Variants in CYP20A1 observed in about 807,000 individuals in gnomAD.
The protein encoded by CYP20A1 is cytochrome P450 family 20 subfamily A member 1.
A neutral mutation model predicts 61.4 loss-of-function variants in CYP20A1; 61 were observed. The ratio of observed to expected loss-of-function variants is 0.99; its 90% CI spans 0.81 to 1.23. CYP20A1 has a LOEUF of 1.23. CYP20A1 is among the 50% of genes most tolerant of loss of function. CYP20A1 has a pLI of 0.00. For synonymous variants in CYP20A1, 193 were observed against 188.2 expected, an observed-to-expected ratio of 1.03 and a Z score of -0.21; for missense variants, 530 against 542.4, an observed-to-expected ratio of 0.98 and a Z score of 0.23.
At chr2:203,285,764 A>C in intron 9 of CYP20A1, 32 bp downstream of exon 9, 1 of 1,508,926 alleles carries the variant, frequency 6.6e-7, no homozygotes, top group Non-Finnish European at 8.8e-7. Flanking sequence ...GAGATTATTA[A>C]AAGGTAAATT....
At position 203,301,600 on chromosome 2, in the gene CYP20A1, C is replaced by A. The variant is rs2069024560; in HGVS notation, c.*4692C>A. Among the ~76,000 whole-genome samples, 1 of 152,056 alleles carries A rather than the reference C, an allele frequency of 6.6e-6. No individual in the cohort carries two copies. Among genetic ancestry groups the A allele is most frequent in the Non-Finnish European group, 1.5e-5 (1 of 68,022 alleles). On this transcript the variant is annotated 3_prime_UTR_variant, in exon 13 of 13. Transcript: ENST00000356079. ...AAACATTTTTTTATGAACTAAAGAGCTCTCTCAAACTTGTGCTAACAAAAT... is the reference window on the plus strand; with the variant it reads ...AAACATTTTTTTATGAACTAAAGAGATCTCTCAAACTTGTGCTAACAAAAT...
At chr2:203,261,016 T>G (rs1290946121) in intron 4 of CYP20A1, among the ~76,000 whole-genome samples, 1 of 152,086 alleles carries the variant, frequency 6.6e-6, no homozygotes, top group African/African-American at 2.4e-5. Context: ...GGTCTTTATC[T>G]GTATGGGTCC....
intron 3 of CYP20A1, among the ~76,000 whole-genome samples, chr2:203,249,564 G>T (rs557777546): frequency 6.6e-6 from 1 of 152,108 alleles, no homozygotes; most frequent in Non-Finnish European, 1.5e-5. Context: ...GAAAAAATAG[G>T]CCAGGCATGG....
At chr2:203,251,934 T>C (rs371056758) in intron 3 of CYP20A1, 33 bp from the exon 4 acceptor site, 23 of 1,497,882 alleles carry the variant, frequency 1.5e-5, no homozygotes, top group Non-Finnish European at 2.1e-5. Flanking sequence ...AGTGATTATT[T>C]TGATACAGAA....
At chr2:203,263,678 G>A (rs2067225879) in intron 4 of CYP20A1, among the ~76,000 whole-genome samples, 1 of 152,108 alleles carries the variant, frequency 6.6e-6, no homozygotes, top group Admixed American at 6.6e-5. Context: ...TAGCTTAAGG[G>A]TTATCTACAA....
intron 4 of CYP20A1, among the ~76,000 whole-genome samples, chr2:203,253,365 C>T (rs571639528): frequency 4.6e-5 from 7 of 152,294 alleles, no homozygotes; most frequent in African/African-American, 1.4e-4. Flanking sequence ...CAGGTCTCCC[C>T]TGGCCCAGGG....
intron 11 of CYP20A1, among the ~76,000 whole-genome samples, chr2:203,294,201 A>G (rs976258687): frequency 2.0e-5 from 3 of 151,848 alleles, no homozygotes; most frequent in African/African-American, 7.3e-5. Flanking sequence ...TCGAGACAGA[A>G]TCTCGCTCTA....
At chr2:203,264,257 G>C (rs1221526151) in intron 4 of CYP20A1, among the ~76,000 whole-genome samples, 3 of 152,006 alleles carry the variant, frequency 2.0e-5, no homozygotes, top group Non-Finnish European at 4.4e-5. Context: ...AAAGCTCTGG[G>C]ATTACAGGCA....
rs757426925 is a variant in CYP20A1 at position 203,285,687 on chromosome 2, T to C, written c.926T>C (p.Val309Ala). 4 of 1,604,518 alleles carry C rather than the reference T, an allele frequency of 2.5e-6. No individual in the cohort carries two copies. The South Asian group carries it at 4.5e-5, about 18-fold the overall frequency. Residue 309 changes from valine (V) to alanine (A), a missense_variant, in exon 9 of 13, where the codon GTT (valine) becomes GCT (alanine). Transcript: ENST00000356079. ...QKKLYEEINQ[V>A]FGNGPVTPEK... ...AAATTATATGAAGAGATAAACCAAG[T>C]TTTTGGAAATGGTCCTGTTACTCCA...
At chr2:203,276,587 A>C (rs946529061) in intron 6 of CYP20A1, among the ~76,000 whole-genome samples, 1 of 152,156 alleles carries the variant, frequency 6.6e-6, no homozygotes, top group African/African-American at 2.4e-5. Context: ...TGACAGATTA[A>C]AATTAGGGTA....
At chr2:203,264,588 A>G (rs11683120) in intron 4 of CYP20A1, among the ~76,000 whole-genome samples, 67,623 of 151,840 alleles carry the variant, frequency 0.45, 16,940 homozygotes, top group Middle Eastern at 0.67. Flanking sequence ...GCCTATTTTA[A>G]TCTTTTAATT....
At chr2:203,265,775 C>T (rs370223770) in intron 4 of CYP20A1, among the ~76,000 whole-genome samples, 63 of 152,232 alleles carry the variant, frequency 4.1e-4, no homozygotes, top group African/African-American at 1.3e-3. Context: ...ATTGCAGCCC[C>T]GGTCTCCCAG....
intron 1 of CYP20A1, 78 bp from the exon 2 acceptor site, chr2:203,245,768 C>G (rs2066439635): frequency 1.4e-6 from 1 of 724,708 alleles, no homozygotes. Context: ...TATTTAAGGT[C>G]CTGCAGATGT....
In CYP20A1 at chr2:203,301,914, CTTTTT is replaced by C. The variant is rs763764173; in HGVS notation, c.*5024_*5028del. 9.7e-6 allele frequency among the ~76,000 whole-genome samples: 1 copy of C among 103,570 alleles called. No individual in the cohort carries two copies. Among genetic ancestry groups the C allele is most frequent in the Non-Finnish European group, 1.8e-5 (1 of 54,854 alleles). The allele number at this position is 103,570 out of a possible 152,430, so 67.9% of individuals were successfully genotyped here. ...TTTGAAGTTAACCACTGTTAAGATT[CTTTTT>C]TTTTTTTTTTTTTTTTTGTTTTGAG... is the stretch of plus-strand genomic sequence containing the variant. On this transcript the variant is annotated 3_prime_UTR_variant, in exon 13 of 13. Transcript: ENST00000356079.
rs773118271 is a variant in CYP20A1, at chr2:203,299,703, C to T, written c.*2795C>T. On this transcript the variant is annotated 3_prime_UTR_variant, in exon 13 of 13. Transcript: ENST00000356079. ...CAGCCTGACCAACATGGAGAAACCC[C>T]GTCTCTACTAAAAATACAAAATTAG... is the stretch of plus-strand genomic sequence containing the variant. Among the ~76,000 whole-genome samples, 5 of 151,948 alleles carry T rather than the reference C, an allele frequency of 3.3e-5. No homozygotes were observed. The highest frequency in any genetic ancestry group is 1.9e-4 in the East Asian group (1 of 5,174).
At chr2:203,254,146 C>T (rs2066806622) in intron 4 of CYP20A1, among the ~76,000 whole-genome samples, 1 of 151,794 alleles carries the variant, frequency 6.6e-6, no homozygotes, top group Admixed American at 6.6e-5. Flanking sequence ...TGGGGTTTCA[C>T]CATCTTGGCC....
intron 2 of CYP20A1, 115 bp downstream of exon 2, chr2:203,246,010 G>A (rs539047682): frequency 2.0e-5 from 14 of 689,506 alleles, no homozygotes; most frequent in Non-Finnish European, 3.4e-5. Flanking sequence ...AGGAGGTTGA[G>A]GTGGAAGATC....
At chr2:203,263,388 C>G (rs2067212326) in intron 4 of CYP20A1, among the ~76,000 whole-genome samples, 1 of 151,418 alleles carries the variant, frequency 6.6e-6, no homozygotes, top group Non-Finnish European at 1.5e-5. Context: ...CTCCGTGGTT[C>G]AAGTGATTCT....
At chr2:203,292,207 A>G (rs1302901458) in intron 10 of CYP20A1, 55 bp from the exon 11 acceptor site, 2 of 1,140,486 alleles carry the variant, frequency 1.8e-6, no homozygotes, top group Admixed American at 2.0e-5. Context: ...TTGACTTTCT[A>G]GGAGTCATTT....
Sources: allele counts gnomAD v4.1 joint callset (sites outside exome capture counted in the v4.1 genomes callset), GRCh38; gene constraint gnomAD v4.1.1; transcripts MANE v1.5; gene names NCBI Gene and HGNC (gene_info 2026-07-23, HGNC 2026-07-21).